Variants in PSMA5 observed in about 807,000 individuals in gnomAD.
PSMA5 encodes the protein proteasome subunit alpha type-5.
PSMA5 carries 3 observed loss-of-function variants against 34.5 expected under a neutral mutation model. That is an observed-to-expected ratio of 0.09 (90% CI 0.04 to 0.22). The LOEUF (loss-of-function observed/expected upper bound fraction) is 0.22, where lower values mean the gene tolerates loss of function less well. PSMA5 is among the 10% of genes least tolerant of loss of function. The pLI is 1.00. For synonymous variants in PSMA5, 88 were observed against 95.8 expected (o/e 0.92, Z 0.47); for missense variants, 120 against 286.1 (o/e 0.42, Z 4.19).
intron 1 of PSMA5, chr1:109,425,592 A>T (rs778357026): frequency 2.0e-5 from 3 of 152,270 alleles, no homozygotes; most frequent in Non-Finnish European, 4.4e-5. Flanking sequence ...AAAAAAGAGT[A>T]GCTATGTAAA....
intron 8 of PSMA5, among the ~76,000 whole-genome samples, chr1:109,403,414 G>A (rs1287145783): frequency 2.0e-5 from 3 of 151,504 alleles, no homozygotes; most frequent in South Asian, 2.1e-4. Flanking sequence ...ACTTGAGCCC[G>A]AGAGTCAAAA....
intron 1 of PSMA5, among the ~76,000 whole-genome samples, chr1:109,424,815 T>C (rs572924488): frequency 2.0e-3 from 306 of 152,256 alleles, no homozygotes; most frequent in African/African-American, 6.9e-3. Context: ...GGTGAAACCC[T>C]GTCTCTACTA....
At chr1:109,403,836 G>A (rs771781670) in intron 8 of PSMA5, among the ~76,000 whole-genome samples, 4 of 151,784 alleles carry the variant, frequency 2.6e-5, no homozygotes, top group Middle Eastern at 3.4e-3. Context: ...TGATATCTGG[G>A]AACAGACTTA....
chr1:109,424,881 G>A (rs575721486), intron 1 of PSMA5, among the ~76,000 whole-genome samples: 1 of 152,336 alleles, frequency 6.6e-6, no homozygotes, highest in South Asian at 2.1e-4. Context: ...CAGCTACTCG[G>A]GAGGCTGAGG....
chr1:109,424,816 G>C (rs1297410733), intron 1 of PSMA5, among the ~76,000 whole-genome samples: 2 of 152,156 alleles, frequency 1.3e-5, no homozygotes, highest in African/African-American at 4.8e-5. Context: ...GTGAAACCCT[G>C]TCTCTACTAA....
At chr1:109,412,287 G>T in intron 4 of PSMA5, 103 bp from the exon 5 acceptor site, 1 of 944,062 alleles carries the variant, frequency 1.1e-6, no homozygotes, top group Non-Finnish European at 1.7e-6. Context: ...AAAACTGAAG[G>T]CTCAAATGTG....
chr1:109,421,154 T>A (rs1001706771), intron 2 of PSMA5, among the ~76,000 whole-genome samples: 23 of 152,200 alleles, frequency 1.5e-4, no homozygotes, highest in African/African-American at 5.3e-4. Context: ...GTCACTGTAC[T>A]CCAGCATGGG....
chr1:109,424,914 G>C (rs1040098327), intron 1 of PSMA5, among the ~76,000 whole-genome samples: 1 of 152,200 alleles, frequency 6.6e-6, no homozygotes, highest in Non-Finnish European at 1.5e-5. Context: ...TTGAACCCAG[G>C]AGGCGGAGGT....
At chr1:109,410,392 A>C (rs775247470) in intron 7 of PSMA5, among the ~76,000 whole-genome samples, 8 of 152,250 alleles carry the variant, frequency 5.3e-5, no homozygotes, top group Non-Finnish European at 1.0e-4. Context: ...CCAATGGTTT[A>C]GAAAATTCAA....
At chr1:109,414,166 A>G (rs1654107446) in intron 3 of PSMA5, among the ~76,000 whole-genome samples, 1 of 152,242 alleles carries the variant, frequency 6.6e-6, no homozygotes, top group Non-Finnish European at 1.5e-5. Flanking sequence ...TATATTTTAC[A>G]CCACGATGGC....
chr1:109,412,459 C>A (rs1200395593), intron 4 of PSMA5: 5 of 336,888 alleles, frequency 1.5e-5, no homozygotes, highest in African/African-American at 1.0e-4. Context: ...TTTACTCTTT[C>A]AAAAACTAAA....
At chr1:109,407,134 C>T (rs10858093) in intron 8 of PSMA5, among the ~76,000 whole-genome samples, 3,363 of 152,148 alleles carry the variant, frequency 0.022, 55 homozygotes, top group Middle Eastern at 0.034. Context: ...TATAGGCGCC[C>T]GCCACCATAC....
chr1:109,400,801 A>G lies in PSMA5; in HGVS notation c.*1212T>C, dbSNP rs1246577841. ...ATATAGTACAACTTCCTACACATCA[A>G]TATACCCAGAGCCCAGCAAATAATT... is the stretch of plus-strand genomic sequence containing the variant. On this transcript the variant is annotated 3_prime_UTR_variant, in exon 9 of 9. Coordinates refer to ENST00000271308, the MANE Select transcript of PSMA5 (RefSeq NM_002790.4). 1.3e-5 allele frequency: 2 copies of G among 152,216 alleles called. No homozygotes were observed. Among genetic ancestry groups the G allele is most frequent in the Non-Finnish European group, 2.9e-5 (2 of 68,028 alleles). The allele number at this position is 152,216 out of a possible 1,614,324, so 9.4% of individuals were successfully genotyped here.
intron 1 of PSMA5, among the ~76,000 whole-genome samples, chr1:109,424,703 G>A (rs1261705083): frequency 6.7e-6 from 1 of 149,976 alleles, no homozygotes; most frequent in African/African-American, 2.5e-5. Flanking sequence ...AAACCCAGGC[G>A]GCAGGCCAGG....
At chr1:109,412,005 GT>G in intron 5 of PSMA5, 70 bp from the exon 6 acceptor site, 9 of 1,582,714 alleles carry the variant, frequency 5.7e-6, no homozygotes, top group Non-Finnish European at 6.9e-6. Flanking sequence ...GGCTGGGAAT[GT>G]TATGTTCACA....
intron 3 of PSMA5, 65 bp downstream of exon 3, chr1:109,415,172 G>T: frequency 1.3e-6 from 2 of 1,508,938 alleles, no homozygotes; most frequent in South Asian, 1.3e-5. Flanking sequence ...ACCTTCCTTG[G>T]AACATCATAG....
intron 1 of PSMA5, among the ~76,000 whole-genome samples, chr1:109,422,482 CTTTTTTTT>C (rs35947865): frequency 8.1e-6 from 1 of 123,930 alleles, no homozygotes; most frequent in African/African-American, 2.8e-5. Context: ...ACAGTTATTA[CTTTTTTTT>C]TTTTTTTTTT....
intron 1 of PSMA5, among the ~76,000 whole-genome samples, chr1:109,423,047 G>A (rs1373546183): frequency 1.3e-5 from 2 of 152,216 alleles, no homozygotes; most frequent in African/African-American, 2.4e-5. Context: ...AAAGCTTTGA[G>A]CACACAATGG....
At chr1:109,415,395 T>A (rs892717017) in intron 2 of PSMA5, 32 bp from the exon 3 acceptor site, 2 of 1,596,332 alleles carry the variant, frequency 1.3e-6, no homozygotes, top group Admixed American at 1.7e-5. Flanking sequence ...TTACCATATA[T>A]AGGTCAAATA....
Sources: gnomAD v4.1 joint callset for allele counts (sites outside exome capture counted in the v4.1 genomes callset) on GRCh38, gnomAD v4.1.1 for gene constraint, MANE v1.5 for transcripts, NCBI Gene and HGNC (gene_info 2026-07-23, HGNC 2026-07-21) for gene names.